The following NOPCHAP1 variants were observed in gnomAD, a reference collection of about 807,000 sequenced individuals.
The protein encoded by NOPCHAP1 is NOP protein chaperone 1, also known as DNA damage-sensitive RNA 1.
Under a neutral mutation model 14.0 loss-of-function variants are expected in NOPCHAP1, and 13 were observed. The ratio of observed to expected loss-of-function variants is 0.93; its 90% CI spans 0.60 to 1.47. The LOEUF (loss-of-function observed/expected upper bound fraction) is 1.47, where lower values mean the gene tolerates loss of function less well. Among genes scored for constraint, NOPCHAP1 ranks in the 40% most tolerant of loss-of-function variants. The probability of loss-of-function intolerance (pLI) is 0.00; values close to 1 mark genes in which losing one functional copy is unlikely to be tolerated. For missense variants in NOPCHAP1, 230 were observed against 226.9 expected (o/e 1.01, Z -0.09); for synonymous variants, 78 against 78.4 (o/e 1.00, Z 0.03).
intron 2 of NOPCHAP1, among the ~76,000 whole-genome samples, chr12:104,990,158 T>G (rs1399954825): frequency 1.3e-5 from 2 of 152,212 alleles, no homozygotes; most frequent in South Asian, 2.1e-4. Flanking sequence ...TTTTGAATAT[T>G]ATGGTGTTGT....
In NOPCHAP1 at chr12:105,010,437, C is replaced by T. The variant is rs1170199275; in HGVS notation, c.*15741C>T. The T allele has an allele frequency of 1.3e-5, 2 of 152,092 alleles. No homozygotes were observed. Among genetic ancestry groups the T allele is most frequent in the Non-Finnish European group, 2.9e-5 (2 of 68,022 alleles). 9.4% of individuals were successfully genotyped at this position (152,092 alleles called of 1,614,324 possible). On this transcript the variant is annotated 3_prime_UTR_variant, in exon 4 of 4. Coordinates refer to ENST00000552951, the MANE Select transcript of NOPCHAP1 (RefSeq NM_152318.3). The stretch of plus-strand genomic sequence containing the variant: ...TTCTCAAAAAACCAGCTCCTGGATT[C>T]GTGGATTTTTTGAAGGGTTTTTTGT...
At chr12:104,993,920 T>C (rs1873437956) in intron 3 of NOPCHAP1, among the ~76,000 whole-genome samples, 1 of 152,184 alleles carries the variant, frequency 6.6e-6, no homozygotes, top group Non-Finnish European at 1.5e-5. Context: ...AAGAATGTTG[T>C]TGAATGTGTT....
rs1873467453 is a variant in NOPCHAP1 at position 104,994,930 on chromosome 12, G to A, written c.*234G>A. ...CTCCGCTCTACAGCAAGGAAAGTGTGCTTTTATCAGCTGAACACAGAAGTA... is the reference window on the plus strand; with the variant it reads ...CTCCGCTCTACAGCAAGGAAAGTGTACTTTTATCAGCTGAACACAGAAGTA... On this transcript the variant is annotated 3_prime_UTR_variant, in exon 4 of 4. Transcript: ENST00000552951. The A allele has an allele frequency of 2.1e-6, 1 of 469,306 alleles. No homozygotes were observed. The allele number at this position is 469,306 out of a possible 1,614,324, so 29.1% of individuals were successfully genotyped here. A position where few individuals can be genotyped will look rare whatever the true frequency, so the allele number is the denominator to read the frequency against.
rs371351832 is a variant in NOPCHAP1 at position 104,986,419 on chromosome 12, G to A, written c.67G>A (p.Val23Ile). The change falls in exon 1 of 4, where the codon GTC becomes ATC. Residue 23 changes from valine to isoleucine, a missense_variant. Val to Ile is a conservative substitution (Grantham distance 29). Coordinates refer to ENST00000552951, the MANE Select transcript of NOPCHAP1 (RefSeq NM_152318.3). The stretch of plus-strand genomic sequence containing the variant: ...GTCGCCCACCCGGGATTCCTCAGGA[G>A]TCCCAGTGTCCAAGGAGCTGCTGAC... ...CSSPTRDSSG[V>I]PVSKELLTAG... is the part of the protein sequence containing the mutation. The A allele has an allele frequency of 3.7e-6, 6 of 1,611,642 alleles. No individual in the cohort carries two copies. The East Asian group carries it at 1.1e-4, about 30-fold the overall frequency.
rs1002203744 is a variant in NOPCHAP1 at position 105,007,283 on chromosome 12, A to T, written c.*12587A>T. 2.0e-5 allele frequency: 3 copies of T among 152,202 alleles called. No individual in the cohort carries two copies. Among genetic ancestry groups the T allele is most frequent in the Admixed American group, 2.0e-4 (3 of 15,278 alleles). 9.4% of individuals were successfully genotyped at this position (152,202 alleles called of 1,614,324 possible). ...TGTGCCCGCTAGCGTAGCTGCAGCA[A>T]TGGCTTCACAAATTTCCTTTTCTTT... On this transcript the variant is annotated 3_prime_UTR_variant, in exon 4 of 4. Transcript: ENST00000552951.
chr12:105,010,571 G>GTATCGATT lies in NOPCHAP1; in HGVS notation c.*15877_*15884dup, dbSNP rs1256973692. ...TGGTTCTTTTAATTGTGATGTTAGA[G>GTATCGATT]TATCGATTTTAGATCTTTCCCGCTT... On this transcript the variant is annotated 3_prime_UTR_variant, in exon 4 of 4. Transcript: ENST00000552951. The GTATCGATT allele has an allele frequency of 6.6e-6, 1 of 152,174 alleles. No homozygotes were observed. Among genetic ancestry groups the GTATCGATT allele is most frequent in the Non-Finnish European group, 1.5e-5 (1 of 68,044 alleles). The allele number at this position is 152,174 out of a possible 1,614,324, so 9.4% of individuals were successfully genotyped here.
At chr12:104,987,263 C>G (rs1162608011) in intron 1 of NOPCHAP1, among the ~76,000 whole-genome samples, 1 of 152,232 alleles carries the variant, frequency 6.6e-6, no homozygotes, top group Non-Finnish European at 1.5e-5. Context: ...GAAACTAACT[C>G]ATCTAATCCT....
At chr12:104,990,107 T>C (rs1565938429) in intron 2 of NOPCHAP1, among the ~76,000 whole-genome samples, 1 of 152,256 alleles carries the variant, frequency 6.6e-6, no homozygotes, top group African/African-American at 2.4e-5. Flanking sequence ...TGTTTTCCTG[T>C]TTATTTGCAT....
rs1873761362 is a variant in NOPCHAP1, at chr12:105,008,983, T to C, written c.*14287T>C. On this transcript the variant is annotated 3_prime_UTR_variant, in exon 4 of 4. Coordinates refer to ENST00000552951, the MANE Select transcript of NOPCHAP1 (RefSeq NM_152318.3). The stretch of plus-strand genomic sequence containing the variant: ...CTATATGGGCTCTTTTTGGGTTTCA[T>C]ATGAAATTTAAAGTAGTTTTTTCTA... 1 of 152,216 alleles carries C rather than the reference T, an allele frequency of 6.6e-6. No individual in the cohort carries two copies. Among genetic ancestry groups the C allele is most frequent in the Non-Finnish European group, 1.5e-5 (1 of 68,030 alleles). 9.4% of individuals were successfully genotyped at this position (152,216 alleles called of 1,614,324 possible).
rs1873503585 is a variant in NOPCHAP1, at chr12:104,996,442, G to GT, written c.*1749dup. 1 of 151,680 alleles carries GT rather than the reference G, an allele frequency of 6.6e-6. No individual in the cohort carries two copies. The highest frequency in any genetic ancestry group is 2.4e-5 in the African/African-American group (1 of 41,212). 9.4% of individuals were successfully genotyped at this position (151,680 alleles called of 1,614,324 possible). ...TATAGACAAATTGGGTATTGTGGGGGTTTGGTGTACAGATTATTTCATCAC... is the reference window on the plus strand; with the variant it reads ...TATAGACAAATTGGGTATTGTGGGGGTTTTGGTGTACAGATTATTTCATCAC... On this transcript the variant is annotated 3_prime_UTR_variant, in exon 4 of 4. Transcript: ENST00000552951.
intron 3 of NOPCHAP1, 41 bp from the exon 4 acceptor site, chr12:104,994,437 A>T (rs1420795366): frequency 1.3e-6 from 2 of 1,520,698 alleles, no homozygotes; most frequent in Non-Finnish European, 1.8e-6. Flanking sequence ...CTTTTTAAGG[A>T]ACTGCTCTGA....
In NOPCHAP1 at chr12:105,009,366, G is replaced by T. The variant is rs1041386605; in HGVS notation, c.*14670G>T. 3 of 152,130 alleles carry T rather than the reference G, an allele frequency of 2.0e-5. No homozygotes were observed. In the South Asian group the frequency reaches 6.2e-4, roughly 32 times the overall value. 9.4% of individuals were successfully genotyped at this position (152,130 alleles called of 1,614,324 possible). On this transcript the variant is annotated 3_prime_UTR_variant, in exon 4 of 4. Transcript: ENST00000552951. ...TTGCTTATCAGCTTAAGGAGTTTTT[G>T]GGCTAAGATGATGGGGTTTTCTAAA...
Position 105,013,786 on chromosome 12 carries a change from C to A in NOPCHAP1, c.*19090C>A, listed in dbSNP as rs915117288. ...TGGGCTAGGGGAGGGAGTTCCCTAA[C>A]GCTTTGTGCTTCCCAGGTGAGGCAA... On this transcript the variant is annotated 3_prime_UTR_variant, in exon 4 of 4. Transcript: ENST00000552951. 1 of 152,512 alleles carries A rather than the reference C, an allele frequency of 6.6e-6. No homozygotes were observed. The highest frequency in any genetic ancestry group is 2.4e-5 in the African/African-American group (1 of 41,438). The allele number at this position is 152,512 out of a possible 1,614,324, so 9.4% of individuals were successfully genotyped here.
At chr12:104,988,349 C>T in intron 2 of NOPCHAP1, 96 bp downstream of exon 2, 1 of 914,868 alleles carries the variant, frequency 1.1e-6, no homozygotes. Flanking sequence ...GGTATCAAAC[C>T]ACAGATAGTC....
intron 2 of NOPCHAP1, among the ~76,000 whole-genome samples, chr12:104,989,804 T>G (rs546214849): frequency 6.6e-6 from 1 of 152,254 alleles, no homozygotes; most frequent in African/African-American, 2.4e-5. Flanking sequence ...TTGGGTCTTA[T>G]GTTTTGTGTG....
Position 105,009,914 on chromosome 12 carries a change from C to T in NOPCHAP1, c.*15218C>T, listed in dbSNP as rs1592752619. 1 of 151,982 alleles carries T rather than the reference C, an allele frequency of 6.6e-6. No individual in the cohort carries two copies. The highest frequency in any genetic ancestry group is 2.4e-5 in the African/African-American group (1 of 41,394). 9.4% of individuals were successfully genotyped at this position (151,982 alleles called of 1,614,324 possible). A position where few individuals can be genotyped will look rare whatever the true frequency, so the allele number is the denominator to read the frequency against. On this transcript the variant is annotated 3_prime_UTR_variant, in exon 4 of 4. Transcript: ENST00000552951. ...CATTGATGTTCATCAGGGATATTGG[C>T]TTGAAATTTTCTTTTTTTGTTGTGT...
At chr12:104,990,989 G>C (rs1873362698) in intron 2 of NOPCHAP1, among the ~76,000 whole-genome samples, 1 of 152,140 alleles carries the variant, frequency 6.6e-6, no homozygotes. Flanking sequence ...GCCTAATCTA[G>C]AGCGTACTCT....
In NOPCHAP1 at chr12:105,007,743, G is replaced by A. The variant is rs1873736837; in HGVS notation, c.*13047G>A. 1 of 151,976 alleles carries A rather than the reference G, an allele frequency of 6.6e-6. No homozygotes were observed. Among genetic ancestry groups the A allele is most frequent in the Non-Finnish European group, 1.5e-5 (1 of 68,038 alleles). The allele number at this position is 151,976 out of a possible 1,614,324, so 9.4% of individuals were successfully genotyped here. ...CATTGTTCAACTCCCACTTAGGAGT[G>A]AGAACATGTGATGTTTGGTTTTCTG... On this transcript the variant is annotated 3_prime_UTR_variant, in exon 4 of 4. Coordinates refer to ENST00000552951, the MANE Select transcript of NOPCHAP1 (RefSeq NM_152318.3).
At position 105,007,315 on chromosome 12, in the gene NOPCHAP1, A is replaced by G. The variant is rs1441968521; in HGVS notation, c.*12619A>G. ...CACAAATTTCCTTTTCTTTTTAACA[A>G]TGGTCCTGATGCTGGATTCATTTAT... On this transcript the variant is annotated 3_prime_UTR_variant, in exon 4 of 4. Coordinates refer to ENST00000552951, the MANE Select transcript of NOPCHAP1 (RefSeq NM_152318.3). 7 of 152,178 alleles carry G rather than the reference A, an allele frequency of 4.6e-5. No homozygotes were observed. The highest frequency in any genetic ancestry group is 2.6e-4 in the Admixed American group (4 of 15,272). 9.4% of individuals were successfully genotyped at this position (152,178 alleles called of 1,614,324 possible).
Sources: gnomAD v4.1 joint callset for allele counts (sites outside exome capture counted in the v4.1 genomes callset) on GRCh38, gnomAD v4.1.1 for gene constraint, MANE v1.5 for transcripts, NCBI Gene and HGNC (gene_info 2026-07-23, HGNC 2026-07-21) for gene names.